Variants in ERC2 observed in about 807,000 individuals in gnomAD.
ERC2 encodes ELKS/RAB6-interacting/CAST family member 2.
A neutral mutation model predicts 114.8 loss-of-function variants in ERC2; 42 were observed. The observed-to-expected ratio is 0.37, with a 90% CI of 0.29 to 0.47. The LOEUF (loss-of-function observed/expected upper bound fraction) is 0.47. ERC2 is among the 20% of genes least tolerant of loss of function. ERC2 has a pLI of 0.99. For missense variants in ERC2, 939 were observed against 1,150.7 expected (o/e 0.82, Z 2.66); for synonymous variants, 454 against 425.5 (o/e 1.07, Z -0.82).
At chr3:55,580,021 G>A (rs72870492) in intron 17 of ERC2, among the ~76,000 whole-genome samples, 5,518 of 152,276 alleles carry the variant, frequency 0.036, 126 homozygotes, top group South Asian at 0.089. Context: ...ACAGCCTCAG[G>A]GACATAGGAA....
At chr3:55,690,934 T>A (rs1159184375) in intron 16 of ERC2, among the ~76,000 whole-genome samples, 2 of 152,214 alleles carry the variant, frequency 1.3e-5, no homozygotes, top group Admixed American at 6.5e-5. Flanking sequence ...CTCCCTCTCC[T>A]GTAGCTCTTA....
chr3:55,926,311 T>C (rs1314311097), intron 13 of ERC2, among the ~76,000 whole-genome samples: 1 of 151,724 alleles, frequency 6.6e-6, no homozygotes, highest in Non-Finnish European at 1.5e-5. Flanking sequence ...ATGGAGTAAA[T>C]TCAAGGTCTA....
intron 6 of ERC2, among the ~76,000 whole-genome samples, chr3:56,127,770 TAC>T (rs1344936120): frequency 6.9e-6 from 1 of 144,842 alleles, no homozygotes; most frequent in Admixed American, 6.9e-5. Context: ...TAAAAACAGA[TAC>T]ATAGTCCAGT....
chr3:56,001,589 C>T (rs566795563), intron 10 of ERC2, among the ~76,000 whole-genome samples: 9 of 152,248 alleles, frequency 5.9e-5, no homozygotes, highest in East Asian at 5.8e-4. Context: ...ATATTAGAGA[C>T]GCACCACTGG....
chr3:55,841,257 G>C (rs141666324), intron 14 of ERC2, among the ~76,000 whole-genome samples: 1 of 152,172 alleles, frequency 6.6e-6, no homozygotes, highest in Non-Finnish European at 1.5e-5. Flanking sequence ...CCATGTGAGG[G>C]ACCTGGTGGG....
intron 14 of ERC2, among the ~76,000 whole-genome samples, chr3:55,779,327 CAAAAAAAAAAAAAAA>C (rs60185894): frequency 6.4e-5 from 4 of 62,470 alleles, no homozygotes; most frequent in Non-Finnish European, 1.4e-4. Flanking sequence ...ACTAAAAATA[CAAAAAAAAAAAAAAA>C]AAAAAAAAAA....
intron 14 of ERC2, among the ~76,000 whole-genome samples, chr3:55,772,066 C>T (rs977312193): frequency 2.7e-5 from 4 of 147,740 alleles, no homozygotes; most frequent in Admixed American, 1.4e-4. Flanking sequence ...TAAGAAAATC[C>T]ATGCCCAAAG....
At position 55,683,490 on chromosome 3, in the gene ERC2, A is replaced by G. The variant is rs192977103; in HGVS notation, c.*39+304T>C. On this transcript the variant is annotated intron_variant, in intron 17 of 17. Transcript: ENST00000288221. The stretch of plus-strand genomic sequence containing the variant: ...TTTCTGAGTCCACAATCATGCCTTA[A>G]AAAGTGTGTATAAATCCTAGTAAGG... Among the ~76,000 whole-genome samples, 526 of 152,304 alleles carry G rather than the reference A, an allele frequency of 3.5e-3. 2 individuals carry two copies. The highest frequency in any genetic ancestry group is 0.012 in the African/African-American group (492 of 41,572).
At chr3:56,357,270 G>A (rs373041548) in intron 2 of ERC2, among the ~76,000 whole-genome samples, 3 of 152,352 alleles carry the variant, frequency 2.0e-5, no homozygotes, top group African/African-American at 7.2e-5. Flanking sequence ...CTGGGGGCCT[G>A]TTAGAAGCCA....
chr3:56,205,397 G>T (rs377025607), intron 3 of ERC2, among the ~76,000 whole-genome samples: 105 of 152,012 alleles, frequency 6.9e-4, no homozygotes, highest in Middle Eastern at 3.4e-3. Context: ...TTACAATTTG[G>T]GTCACTGGAG....
At chr3:56,020,382 G>A (rs961142024) in intron 7 of ERC2, among the ~76,000 whole-genome samples, 2 of 151,598 alleles carry the variant, frequency 1.3e-5, no homozygotes, top group Non-Finnish European at 2.9e-5. Flanking sequence ...CAGGTTATAG[G>A]TCAAATAATT....
chr3:56,048,919 C>T (rs374008259), intron 7 of ERC2, among the ~76,000 whole-genome samples: 8 of 152,130 alleles, frequency 5.3e-5, no homozygotes, highest in East Asian at 3.9e-4. Context: ...AGCTGAGTTA[C>T]GTGAGATGGG....
At chr3:56,403,117 C>T (rs143695351) in intron 2 of ERC2, among the ~76,000 whole-genome samples, 3 of 152,314 alleles carry the variant, frequency 2.0e-5, no homozygotes, top group Admixed American at 6.5e-5. Flanking sequence ...ATGCTACCTC[C>T]TCTTGGATCC....
At chr3:55,589,045 G>A (rs190430416) in intron 17 of ERC2, among the ~76,000 whole-genome samples, 1 of 152,112 alleles carries the variant, frequency 6.6e-6, no homozygotes, top group East Asian at 1.9e-4. Context: ...GCTGTGTAAC[G>A]TGGGCAAGTG....
intron 12 of ERC2, among the ~76,000 whole-genome samples, chr3:55,964,856 T>C (rs751188017): frequency 5.9e-5 from 9 of 152,204 alleles, no homozygotes; most frequent in Non-Finnish European, 1.0e-4. Flanking sequence ...TCCCAGCTTT[T>C]AACTGGCTAT....
chr3:55,920,105 C>T (rs946080695), intron 13 of ERC2, among the ~76,000 whole-genome samples: 2 of 151,874 alleles, frequency 1.3e-5, no homozygotes, highest in Admixed American at 1.3e-4. Context: ...GCCGGATGCA[C>T]ATTACATTTT....
At position 56,404,408 on chromosome 3, in the gene ERC2, T is replaced by C. The variant is rs911071169; in HGVS notation, c.657+29943A>G. ...AATGTACAAATGCACTAGGAAAATA[T>C]ATGTCGAATGACTCCTACAAAAAAG... On this transcript the variant is annotated intron_variant, in intron 2 of 17. Coordinates refer to ENST00000288221, the MANE Select transcript of ERC2 (RefSeq NM_015576.3). 2.0e-5 allele frequency among the ~76,000 whole-genome samples: 3 copies of C among 152,136 alleles called. No individual in the cohort carries two copies. The East Asian group carries it at 5.8e-4, about 29-fold the overall frequency.
intron 13 of ERC2, among the ~76,000 whole-genome samples, chr3:55,898,063 A>C (rs942649099): frequency 1.3e-5 from 2 of 152,188 alleles, no homozygotes; most frequent in Non-Finnish European, 2.9e-5. Flanking sequence ...TCTCAGGCCT[A>C]TTAACAAAAC....
intron 2 of ERC2, among the ~76,000 whole-genome samples, chr3:56,384,748 G>T (rs1345678610): frequency 6.6e-6 from 1 of 151,930 alleles, no homozygotes; most frequent in East Asian, 1.9e-4. Context: ...TGTGCTTTTG[G>T]TGTCCTACCT....
Sources: allele counts gnomAD v4.1 joint callset (sites outside exome capture counted in the v4.1 genomes callset), GRCh38; gene constraint gnomAD v4.1.1; transcripts MANE v1.5; gene names NCBI Gene and HGNC (gene_info 2026-07-23, HGNC 2026-07-21).